The following RFX4 variants were observed in gnomAD, a reference collection of about 807,000 sequenced individuals.
RFX4 encodes transcription factor RFX4.
RFX4 carries 10 observed loss-of-function variants against 95.0 expected under a neutral mutation model. The observed-to-expected ratio is 0.11, with a 90% confidence interval of 0.06 to 0.18. The LOEUF is 0.18. Among genes scored for constraint, RFX4 ranks in the 10% least tolerant of loss-of-function variants. RFX4 has a pLI of 1.00. For synonymous variants in RFX4, 321 were observed against 340.7 expected (o/e 0.94, Z 0.64); for missense variants, 640 against 922.0 (o/e 0.69, Z 3.96).
intron 17 of RFX4, among the ~76,000 whole-genome samples, chr12:106,759,172 C>G (rs1472620838): frequency 1.3e-5 from 2 of 152,180 alleles, no homozygotes; most frequent in Non-Finnish European, 2.9e-5. Context: ...CCAGAAAAGT[C>G]TCTCCGAGGA....
At chr12:106,707,256 G>C (rs759288471) in intron 8 of RFX4, among the ~76,000 whole-genome samples, 1 of 152,092 alleles carries the variant, frequency 6.6e-6, no homozygotes, top group South Asian at 2.1e-4. Flanking sequence ...AAAAGAAGCA[G>C]GTCCAAGGGG....
In RFX4 at chr12:106,732,050, A is replaced by G; in HGVS notation, c.1352-80A>G. On this transcript the variant is annotated intron_variant, in intron 13 of 17. Transcript: ENST00000392842. ...GAGCAGAGCATTTAGAACACTGTGTAACTTGTGCAGTTGACCAGACAGAGG... is the reference window on the plus strand; with the variant it reads ...GAGCAGAGCATTTAGAACACTGTGTGACTTGTGCAGTTGACCAGACAGAGG... 7.0e-6 allele frequency: 11 copies of G among 1,568,826 alleles called. No individual in the cohort carries two copies. In the South Asian group the frequency reaches 1.1e-4, roughly 15 times the overall value.
intron 11 of RFX4, among the ~76,000 whole-genome samples, 158 bp from the exon 12 acceptor site, chr12:106,719,802 C>T (rs2042362637): frequency 6.6e-6 from 1 of 152,190 alleles, no homozygotes; most frequent in African/African-American, 2.4e-5. Context: ...TAAGTTGGGG[C>T]ATGTTTTATA....
chr12:106,600,943 G>A (rs1035772519), intron 1 of RFX4, among the ~76,000 whole-genome samples: 31 of 152,164 alleles, frequency 2.0e-4, no homozygotes, highest in Non-Finnish European at 4.3e-4. Context: ...TTGCTAATTT[G>A]TCTCTGTCTC....
At chr12:106,698,488 C>A (rs2041925684) in intron 8 of RFX4, among the ~76,000 whole-genome samples, 1 of 152,076 alleles carries the variant, frequency 6.6e-6, no homozygotes, top group Non-Finnish European at 1.5e-5. Context: ...ACTATACAGC[C>A]TAGTCTGGTG....
intron 2 of RFX4, among the ~76,000 whole-genome samples, chr12:106,616,478 T>C (rs2040076601): frequency 6.6e-6 from 1 of 152,174 alleles, no homozygotes; most frequent in Non-Finnish European, 1.5e-5. Context: ...TACAGAGGTC[T>C]CATGAAAAGG....
intron 5 of RFX4, chr12:106,683,434 A>C (rs1479778937): frequency 2.2e-5 from 3 of 136,306 alleles, no homozygotes; most frequent in Admixed American, 8.3e-5. Context: ...TCTTGGAATA[A>C]ATTCCTAATA....
At chr12:106,730,039 T>C (rs182367220) in intron 13 of RFX4, among the ~76,000 whole-genome samples, 2 of 152,160 alleles carry the variant, frequency 1.3e-5, no homozygotes, top group East Asian at 1.9e-4. Context: ...TGCAGGACAG[T>C]GGACCTTGGC....
chr12:106,691,772 TGTCA>T (rs937375339), intron 7 of RFX4, among the ~76,000 whole-genome samples: 15 of 152,228 alleles, frequency 9.9e-5, no homozygotes, highest in African/African-American at 3.6e-4. Context: ...ACTTTTAGGC[TGTCA>T]GTCAGTATTT....
At chr12:106,702,661 T>C (rs914955352) in intron 8 of RFX4, among the ~76,000 whole-genome samples, 1 of 152,186 alleles carries the variant, frequency 6.6e-6, no homozygotes, top group Admixed American at 6.5e-5. Context: ...TCTTGACTCA[T>C]TGCAGAGACA....
At chr12:106,752,356 A>T (rs1417808076) in intron 17 of RFX4, among the ~76,000 whole-genome samples, 1 of 152,010 alleles carries the variant, frequency 6.6e-6, no homozygotes, top group Non-Finnish European at 1.5e-5. Context: ...TCTTTTCATC[A>T]GTGTCATTTC....
At chr12:106,643,923 T>G (rs2040688067) in intron 3 of RFX4, among the ~76,000 whole-genome samples, 1 of 152,206 alleles carries the variant, frequency 6.6e-6, no homozygotes. Flanking sequence ...TGTGTGCACT[T>G]GTGTGTATAC....
At chr12:106,747,730 C>T (rs1157555292) in intron 16 of RFX4, 131 bp downstream of exon 16, 1 of 918,844 alleles carries the variant, frequency 1.1e-6, no homozygotes, top group Non-Finnish European at 1.6e-6. Context: ...GAGTTCGAGA[C>T]CAGCCTGGCC....
At position 106,750,920 on chromosome 12, in the gene RFX4, CTTTATTTA is replaced by C. The variant is rs36084987; in HGVS notation, c.1935+143_1935+150del. ...TGTGTGTCCCCAAGGAGAGGACAGT[CTTTATTTA>C]TTTATTTATTTATTTTTATTATTAT... On this transcript the variant is annotated intron_variant, in intron 17 of 17. Coordinates refer to ENST00000392842, the MANE Select transcript of RFX4 (RefSeq NM_213594.3). The C allele has an allele frequency of 2.4e-5, 15 of 613,736 alleles. No individual in the cohort carries two copies. In the East Asian group the frequency reaches 4.2e-4, roughly 17 times the overall value. 38.0% of individuals were successfully genotyped at this position (613,736 alleles called of 1,614,324 possible).
Position 106,733,345 on chromosome 12 carries a change from A to G in RFX4, c.1633+260A>G, listed in dbSNP as rs892442533. 1.2e-5 allele frequency: 4 copies of G among 340,312 alleles called. No individual in the cohort carries two copies. In the Admixed American group the frequency reaches 1.7e-4, roughly 15 times the overall value. 21.1% of individuals were successfully genotyped at this position (340,312 alleles called of 1,614,324 possible). A position where few individuals can be genotyped will look rare whatever the true frequency, so the allele number is the denominator to read the frequency against. ...AAAAAAGAAAAACAGGGCTTTCTGG[A>G]AAAACATTCTTCTCCCACAATCTCC... On this transcript the variant is annotated intron_variant, in intron 15 of 17. Coordinates refer to ENST00000392842, the MANE Select transcript of RFX4 (RefSeq NM_213594.3).
chr12:106,639,228 T>C, intron 2 of RFX4, 104 bp from the exon 3 acceptor site: 1 of 947,138 alleles, frequency 1.1e-6, no homozygotes, highest in Non-Finnish European at 1.6e-6. Flanking sequence ...AGCATCAACA[T>C]TTCAAAGAAA....
chr12:106,652,583 C>G lies in RFX4; in HGVS notation c.192-1645C>G, dbSNP rs542661168. 8.5e-5 allele frequency among the ~76,000 whole-genome samples: 13 copies of G among 152,242 alleles called. No individual in the cohort carries two copies. In the South Asian group the frequency reaches 2.7e-3, roughly 32 times the overall value. On this transcript the variant is annotated intron_variant, in intron 3 of 17. Coordinates refer to ENST00000392842, the MANE Select transcript of RFX4 (RefSeq NM_213594.3). ...CTGGGAACATTTCTAAAAACTATCCCAAGTTACTCAATGTTCCCCATCCCA... is the reference window on the plus strand; with the variant it reads ...CTGGGAACATTTCTAAAAACTATCCGAAGTTACTCAATGTTCCCCATCCCA...
rs1299804651 is a variant in RFX4, at chr12:106,722,406, C to A, written c.1351+1530C>A. On this transcript the variant is annotated intron_variant, in intron 13 of 17. Transcript: ENST00000392842. ...CTTTCATTAGACAGGGAAAGTAATT[C>A]CCTTGCAATATTCTTTGAAATTCAT... Among the ~76,000 whole-genome samples the A allele has an allele frequency of 2.0e-5, 3 of 152,296 alleles. No homozygotes were observed. In the East Asian group the frequency reaches 5.8e-4, roughly 29 times the overall value.
At position 106,632,837 on chromosome 12, in the gene RFX4, G is replaced by A. The variant is rs139381772; in HGVS notation, c.131-6495G>A. ...TCTGGCACTACAGGTGCATGCCACC[G>A]TATCTGGCACTACAGGTGCACGCCA... is the stretch of plus-strand genomic sequence containing the variant. On this transcript the variant is annotated intron_variant, in intron 2 of 17. Transcript: ENST00000392842. 1.2e-4 allele frequency among the ~76,000 whole-genome samples: 19 copies of A among 152,252 alleles called. No individual in the cohort carries two copies. The East Asian group carries it at 2.9e-3, about 23-fold the overall frequency.
Sources: gnomAD v4.1 joint callset for allele counts (sites outside exome capture counted in the v4.1 genomes callset) on GRCh38, gnomAD v4.1.1 for gene constraint, MANE v1.5 for transcripts, NCBI Gene and HGNC (gene_info 2026-07-23, HGNC 2026-07-21) for gene names.